Variants in SORCS2 observed in about 807,000 individuals in gnomAD.
SORCS2 encodes VPS10 domain-containing receptor SorCS2.
In SORCS2, 100 loss-of-function variants were observed where a neutral mutation model predicts 141.6. The ratio of observed to expected loss-of-function variants is 0.71; its 90% CI spans 0.60 to 0.83. The LOEUF is 0.83. SORCS2 is among the 40% of genes least tolerant of loss of function. The pLI is 0.00. For synonymous variants in SORCS2, 789 were observed against 676.9 expected (o/e 1.17, Z -2.57); for missense variants, 1,646 against 1,560.2 (o/e 1.05, Z -0.93).
chr4:7,662,823 T>G (rs1422491249), intron 6 of SORCS2, among the ~76,000 whole-genome samples: 2 of 152,202 alleles, frequency 1.3e-5, no homozygotes, highest in Non-Finnish European at 2.9e-5. Context: ...AGCACTATCA[T>G]CAGGGCTACT....
intron 1 of SORCS2, among the ~76,000 whole-genome samples, chr4:7,264,887 G>A (rs1039943944): frequency 2.0e-5 from 3 of 152,226 alleles, no homozygotes; most frequent in Admixed American, 1.3e-4. Context: ...CCCTCACCCT[G>A]CCATGCCAGA....
rs777098222 is a variant in SORCS2 at position 7,723,780 on chromosome 4, G to A, written c.2508G>A (p.Glu836=). The change falls in exon 19 of 27, where the codon GAG becomes GAA. Residue 836 remains glutamate (E), a synonymous_variant. Transcript: ENST00000507866. Reference sequence around the variant, plus strand: ...ACGTGAACCTTACACTGACCGGGGAGCCCATCCGGCACCGCTACGAGAGCC... The same window carrying A: ...ACGTGAACCTTACACTGACCGGGGAACCCATCCGGCACCGCTACGAGAGCC... The part of the protein sequence containing the change: ...AMYVNLTLTG[E]PIRHRYESPG... The A allele has an allele frequency of 3.1e-6, 5 of 1,613,930 alleles. No homozygotes were observed. Among genetic ancestry groups the A allele is most frequent in the East Asian group, 4.5e-5 (2 of 44,890 alleles).
chr4:7,679,786 A>G, intron 9 of SORCS2, among the ~76,000 whole-genome samples: 1 of 150,392 alleles, frequency 6.6e-6, no homozygotes, highest in East Asian at 2.0e-4. Context: ...GATGCAGGGA[A>G]TGAATATAGC....
chr4:7,372,583 C>A (rs1722328363), intron 1 of SORCS2, among the ~76,000 whole-genome samples: 1 of 152,230 alleles, frequency 6.6e-6, no homozygotes, highest in African/African-American at 2.4e-5. Flanking sequence ...GCTGGAATTA[C>A]AGGCGTGAGC....
intron 1 of SORCS2, among the ~76,000 whole-genome samples, chr4:7,376,379 G>C (rs6815252): frequency 0.69 from 104,641 of 151,306 alleles, 36,432 homozygotes; most frequent in East Asian, 0.94. Context: ...GACTTTGAGA[G>C]CAGCCTGGCC....
chr4:7,403,137 A>T (rs557561307), intron 2 of SORCS2, among the ~76,000 whole-genome samples: 5 of 152,320 alleles, frequency 3.3e-5, no homozygotes, highest in African/African-American at 1.2e-4. Flanking sequence ...ATGGTGTATT[A>T]GTCAGCTATA....
At chr4:7,635,347 C>G (rs113854420) in intron 3 of SORCS2, among the ~76,000 whole-genome samples, 5 of 152,178 alleles carry the variant, frequency 3.3e-5, no homozygotes, top group Non-Finnish European at 7.3e-5. Flanking sequence ...AGCAGGAACT[C>G]GCTAGGCTAT....
chr4:7,413,600 A>T (rs1725469698), intron 2 of SORCS2, among the ~76,000 whole-genome samples: 1 of 151,918 alleles, frequency 6.6e-6, no homozygotes, highest in Non-Finnish European at 1.5e-5. Context: ...ATTGGCAAGG[A>T]TGGTCTCAAA....
Position 7,339,594 on chromosome 4 carries a change from G to C in SORCS2, c.481-56694G>C, listed in dbSNP as rs180918138. Reference sequence around the variant, plus strand: ...TCTTCACACGGTGTTCTCCCGGATAGCGTCTCTGTGGCCATTTTTGTCAGG... The same window carrying C: ...TCTTCACACGGTGTTCTCCCGGATACCGTCTCTGTGGCCATTTTTGTCAGG... On this transcript the variant is annotated intron_variant, in intron 1 of 26. Transcript: ENST00000507866. Among the ~76,000 whole-genome samples, 7 of 152,326 alleles carry C rather than the reference G, an allele frequency of 4.6e-5. No individual in the cohort carries two copies. The East Asian group carries it at 1.4e-3, about 29-fold the overall frequency.
intron 14 of SORCS2, among the ~76,000 whole-genome samples, chr4:7,709,932 A>G (rs1166282471): frequency 1.3e-5 from 2 of 151,934 alleles, no homozygotes; most frequent in Non-Finnish European, 2.9e-5. Flanking sequence ...AGCGTGGCCC[A>G]TTTTTTCCTC....
intron 2 of SORCS2, among the ~76,000 whole-genome samples, chr4:7,495,178 G>T (rs139907295): frequency 1.3e-5 from 2 of 152,200 alleles, no homozygotes; most frequent in Admixed American, 1.3e-4. Context: ...TCAAAGCCTC[G>T]CTTGCCCCAG....
chr4:7,352,904 T>C (rs1452292531), intron 1 of SORCS2, among the ~76,000 whole-genome samples: 2 of 151,114 alleles, frequency 1.3e-5, no homozygotes, highest in Non-Finnish European at 2.9e-5. Flanking sequence ...TAACCACGGT[T>C]CCTTGGAACC....
intron 2 of SORCS2, among the ~76,000 whole-genome samples, chr4:7,485,403 C>T (rs1730915696): frequency 6.6e-6 from 1 of 152,242 alleles, no homozygotes; most frequent in Admixed American, 6.5e-5. Context: ...AGGGCTGGCT[C>T]AGGCTCTGCT....
chr4:7,433,980 C>T (rs1727088043), intron 2 of SORCS2: 2 of 1,613,672 alleles, frequency 1.2e-6, no homozygotes, highest in Non-Finnish European at 1.7e-6. Context: ...GCTTCTGCAC[C>T]ACGTTCATGC....
At chr4:7,305,231 C>T (rs1167671314) in intron 1 of SORCS2, among the ~76,000 whole-genome samples, 1 of 152,168 alleles carries the variant, frequency 6.6e-6, no homozygotes, top group Non-Finnish European at 1.5e-5. Flanking sequence ...TGGGGTTTCA[C>T]CGTGTTAGCC....
intron 3 of SORCS2, among the ~76,000 whole-genome samples, chr4:7,605,598 G>A (rs1718007242): frequency 6.6e-6 from 1 of 152,168 alleles, no homozygotes; most frequent in Non-Finnish European, 1.5e-5. Flanking sequence ...CAGCTTTATT[G>A]CTGTTTCCCT....
intron 1 of SORCS2, among the ~76,000 whole-genome samples, chr4:7,324,547 G>A (rs895830559): frequency 6.6e-6 from 1 of 152,196 alleles, no homozygotes; most frequent in African/African-American, 2.4e-5. Context: ...CCCCTGCCGT[G>A]CTCACTCTCC....
chr4:7,468,684 C>T (rs1463087461), intron 2 of SORCS2, among the ~76,000 whole-genome samples: 1 of 152,240 alleles, frequency 6.6e-6, no homozygotes, highest in Non-Finnish European at 1.5e-5. Flanking sequence ...GAAAGGCACT[C>T]TCTAGTCCCA....
intron 11 of SORCS2, 74 bp downstream of exon 11, chr4:7,689,662 A>C: frequency 7.2e-7 from 1 of 1,390,842 alleles, no homozygotes; most frequent in Non-Finnish European, 9.9e-7. Context: ...TAAGGGTAAA[A>C]AGGGATGGTC....
Sources: allele counts gnomAD v4.1 joint callset (sites outside exome capture counted in the v4.1 genomes callset), GRCh38; gene constraint gnomAD v4.1.1; transcripts MANE v1.5; gene names NCBI Gene and HGNC (gene_info 2026-07-23, HGNC 2026-07-21).